Variants in SDK1 observed in about 807,000 individuals in gnomAD.
SDK1 encodes protein sidekick-1.
Under a neutral mutation model 245.5 loss-of-function variants are expected in SDK1, and 157 were observed. The ratio of observed to expected loss-of-function variants is 0.64; its 90% CI spans 0.56 to 0.73. The LOEUF is 0.73. Among genes scored for constraint, SDK1 ranks in the 30% least tolerant of loss-of-function variants. The pLI, the probability that SDK1 is intolerant of heterozygous loss-of-function variation, is 0.00. For synonymous variants in SDK1, 1,647 were observed against 1,278.5 expected, an observed-to-expected ratio of 1.29 and a Z score of -6.15; for missense variants, 3,583 against 3,002.3, an observed-to-expected ratio of 1.19 and a Z score of -4.52.
chr7:3,783,740 T>C (rs1780819884), intron 4 of SDK1, among the ~76,000 whole-genome samples: 1 of 152,208 alleles, frequency 6.6e-6, no homozygotes, highest in African/African-American at 2.4e-5. Context: ...TTTATGTTGA[T>C]GGATTGGAAG....
intron 5 of SDK1, among the ~76,000 whole-genome samples, chr7:3,823,078 G>T (rs1272339479): frequency 6.6e-6 from 1 of 152,150 alleles, no homozygotes; most frequent in Non-Finnish European, 1.5e-5. Context: ...TGATGCCATG[G>T]AGAATGATGC....
chr7:3,502,586 A>G (rs1782252206), intron 1 of SDK1, among the ~76,000 whole-genome samples: 1 of 152,214 alleles, frequency 6.6e-6, no homozygotes, highest in African/African-American at 2.4e-5. Flanking sequence ...TAATGTATTT[A>G]AAGCATGATT....
Position 4,129,938 on chromosome 7 carries a change from G to C in SDK1, c.3970G>C (p.Glu1324Gln), listed in dbSNP as rs772118954. 16 of 1,613,580 alleles carry C rather than the reference G, an allele frequency of 9.9e-6. No individual in the cohort carries two copies. In the Admixed American group the frequency reaches 2.5e-4, roughly 25 times the overall value. ...GTTCCGGGCCAAAGACCTGGATCCCGAGCCCAGGAGCCACATCGTGCGAGG... is the reference window on the plus strand; with the variant it reads ...GTTCCGGGCCAAAGACCTGGATCCCCAGCCCAGGAGCCACATCGTGCGAGG... ...ILFRAKDLDP[E>Q]PRSHIVRGNH... Residue 1324 changes from glutamate to glutamine, a missense_variant, in exon 27 of 45, where the codon GAG (glutamate) becomes CAG (glutamine). By Grantham distance (29) the Glu-to-Gln change is conservative. Transcript: ENST00000404826.
intron 1 of SDK1, among the ~76,000 whole-genome samples, chr7:3,439,952 G>A (rs1401428579): frequency 1.3e-5 from 2 of 151,908 alleles, no homozygotes; most frequent in African/African-American, 2.4e-5. Context: ...TTAAGTTATA[G>A]CTCTATGGAG....
At position 3,742,693 on chromosome 7, in the gene SDK1, A is replaced by G. The variant is rs1583363750; in HGVS notation, c.714-78757A>G. Among the ~76,000 whole-genome samples, 3 of 152,248 alleles carry G rather than the reference A, an allele frequency of 2.0e-5. No individual in the cohort carries two copies. In the South Asian group the frequency reaches 6.2e-4, roughly 32 times the overall value. ...CACCCCTTTCTGTGTAAAACTTTTA[A>G]CACCAAATAAAATTATATACTTTTT... On this transcript the variant is annotated intron_variant, in intron 4 of 44. Coordinates refer to ENST00000404826, the MANE Select transcript of SDK1 (RefSeq NM_152744.4).
intron 5 of SDK1, among the ~76,000 whole-genome samples, chr7:3,882,819 T>C (rs1418874709): frequency 6.6e-6 from 1 of 152,214 alleles, no homozygotes; most frequent in East Asian, 1.9e-4. Flanking sequence ...AACTGAATTA[T>C]AAAAAATTCT....
chr7:3,726,729 C>A (rs1779019136), intron 4 of SDK1, among the ~76,000 whole-genome samples: 1 of 152,222 alleles, frequency 6.6e-6, no homozygotes, highest in Admixed American at 6.5e-5. Context: ...GAAATCACAG[C>A]AGATTTTGAC....
chr7:3,619,168 A>C lies in SDK1; in HGVS notation c.387A>C (p.Glu129Asp). The change falls in exon 2 of 45, where the codon GAA becomes GAC. Residue 129 changes from glutamate (E) to aspartate (D), a missense_variant. Glu to Asp is a conservative substitution (Grantham distance 45). Coordinates refer to ENST00000404826, the MANE Select transcript of SDK1 (RefSeq NM_152744.4). ...GNRLVLTCLA[E>D]GSWPLEFKWM... The stretch of plus-strand genomic sequence containing the variant: ...GCCTTGTTCTCACCTGCCTTGCCGA[A>C]GGGAGCTGGCCTTTGGAGTTCAAGT... 1 of 1,614,144 alleles carries C rather than the reference A, an allele frequency of 6.2e-7. No homozygotes were observed. Among genetic ancestry groups the C allele is most frequent in the Non-Finnish European group, 8.5e-7 (1 of 1,179,974 alleles).
Position 4,049,467 on chromosome 7 carries a change from C to T in SDK1, c.2718+4C>T, listed in dbSNP as rs948966965. ...TGGCATCAACCAGGGATACAAGGTA[C>T]GTGGCCTGGGTTCAGGGCCTGTGGG... On this transcript the variant is annotated splice_donor_region_variant and intron_variant, in intron 18 of 44. Transcript: ENST00000404826. The T allele has an allele frequency of 1.1e-5, 17 of 1,607,930 alleles. No individual in the cohort carries two copies. The highest frequency in any genetic ancestry group is 6.7e-5 in the African/African-American group (5 of 74,930).
In SDK1 at chr7:3,882,828, C is replaced by G. The variant is rs886808234; in HGVS notation, c.847+61245C>G. Among the ~76,000 whole-genome samples the G allele has an allele frequency of 4.6e-5, 7 of 152,196 alleles. No individual in the cohort carries two copies. The South Asian group carries it at 8.3e-4, about 18-fold the overall frequency. ...AATGAAAACTGAATTATAAAAAATT[C>G]TATAATTTAGACATTCTCTGCTTCC... On this transcript the variant is annotated intron_variant, in intron 5 of 44. Transcript: ENST00000404826.
intron 1 of SDK1, among the ~76,000 whole-genome samples, chr7:3,510,689 G>A (rs552522062): frequency 3.3e-5 from 5 of 152,230 alleles, no homozygotes; most frequent in Admixed American, 1.3e-4. Flanking sequence ...TTATTATACA[G>A]ATGAAACCTC....
At chr7:3,902,372 C>T (rs948238209) in intron 5 of SDK1, among the ~76,000 whole-genome samples, 1 of 152,192 alleles carries the variant, frequency 6.6e-6, no homozygotes, top group African/African-American at 2.4e-5. Flanking sequence ...TTCAATCCTA[C>T]AATTCACACA....
chr7:3,340,522 G>A (rs1256037120), intron 1 of SDK1, among the ~76,000 whole-genome samples: 1 of 152,098 alleles, frequency 6.6e-6, no homozygotes, highest in Non-Finnish European at 1.5e-5. Context: ...CAGCACTTTG[G>A]GAGGCCAAGG....
intron 11 of SDK1, among the ~76,000 whole-genome samples, chr7:3,969,824 A>G (rs934566227): frequency 1.3e-5 from 2 of 152,222 alleles, no homozygotes; most frequent in Non-Finnish European, 2.9e-5. Context: ...AACACTTCTA[A>G]TACACTAACC....
intron 1 of SDK1, among the ~76,000 whole-genome samples, chr7:3,351,376 C>T (rs1461189883): frequency 2.6e-5 from 4 of 152,032 alleles, no homozygotes; most frequent in Non-Finnish European, 5.9e-5. Context: ...CTTAACACCA[C>T]TGTCTACTAT....
intron 1 of SDK1, among the ~76,000 whole-genome samples, chr7:3,450,287 G>C (rs1457484849): frequency 6.6e-6 from 1 of 152,198 alleles, no homozygotes; most frequent in Non-Finnish European, 1.5e-5. Flanking sequence ...TTGAAAGTGG[G>C]TTATAGTAAG....
intron 19 of SDK1, among the ~76,000 whole-genome samples, chr7:4,057,220 A>C (rs988297990): frequency 1.3e-5 from 2 of 152,148 alleles, no homozygotes; most frequent in African/African-American, 4.8e-5. Flanking sequence ...GCAACTGCAC[A>C]CACCACCAGG....
intron 35 of SDK1, among the ~76,000 whole-genome samples, chr7:4,187,360 G>A (rs542492755): frequency 3.9e-5 from 6 of 152,202 alleles, no homozygotes; most frequent in African/African-American, 1.4e-4. Flanking sequence ...CTTTTCCAAC[G>A]TCTCCAATGC....
intron 22 of SDK1, among the ~76,000 whole-genome samples, chr7:4,108,923 G>A (rs186817736): frequency 2.3e-4 from 35 of 152,270 alleles, no homozygotes; most frequent in African/African-American, 2.4e-4. Context: ...GGAATCGTGC[G>A]GTGCATGGAC....
Sources: allele counts gnomAD v4.1 joint callset (sites outside exome capture counted in the v4.1 genomes callset), GRCh38; gene constraint gnomAD v4.1.1; transcripts MANE v1.5; gene names NCBI Gene and HGNC (gene_info 2026-07-23, HGNC 2026-07-21).